The following MOGAT2 variants were observed in gnomAD, a reference collection of about 807,000 sequenced individuals.
The protein encoded by MOGAT2 is 2-acylglycerol O-acyltransferase 2.
In MOGAT2, 27 loss-of-function variants were observed where a neutral mutation model predicts 31.5. The observed-to-expected ratio is 0.86, with a 90% CI of 0.63 to 1.18. The LOEUF is 1.18. Ranked by LOEUF, MOGAT2 falls within the 50% of genes most tolerant of loss-of-function variation. MOGAT2 has a pLI of 0.00. For synonymous variants in MOGAT2, 163 were observed against 170.0 expected, an observed-to-expected ratio of 0.96 and a Z score of 0.32; for missense variants, 436 against 433.2, an observed-to-expected ratio of 1.01 and a Z score of -0.06.
At chr11:75,723,194 G>T (rs1944392401) in intron 2 of MOGAT2, among the ~76,000 whole-genome samples, 1 of 151,816 alleles carries the variant, frequency 6.6e-6, no homozygotes, top group South Asian at 2.1e-4. Flanking sequence ...ACTCCTGACC[G>T]CCCACCTTAG....
intron 5 of MOGAT2, among the ~76,000 whole-genome samples, chr11:75,730,265 G>A (rs919619570): frequency 6.6e-6 from 1 of 152,212 alleles, no homozygotes; most frequent in Non-Finnish European, 1.5e-5. Context: ...GGATGAGTTA[G>A]GTCCTTCCTG....
intron 5 of MOGAT2, among the ~76,000 whole-genome samples, chr11:75,729,754 T>G (rs199711411): frequency 1.5e-5 from 2 of 131,510 alleles, no homozygotes; most frequent in East Asian, 2.2e-4. Context: ...TTTTTTTTTG[T>G]TTTTTTTTGA....
rs763725183 is a variant in MOGAT2 at position 75,731,182 on chromosome 11, G to T, written c.901G>T (p.Val301Leu). The T allele has an allele frequency of 1.5e-5, 24 of 1,614,002 alleles. No homozygotes were observed. The South Asian group carries it at 2.6e-4, about 18-fold the overall frequency. ...QKTLHPSEEE[V>L]NQLHQRYIKE... is the part of the protein sequence containing the mutation. Reference sequence around the variant, plus strand: ...GACGCTGCATCCCTCGGAGGAGGAGGTGAACCAGCTGCACCAGCGTTATAT... The same window carrying T: ...GACGCTGCATCCCTCGGAGGAGGAGTTGAACCAGCTGCACCAGCGTTATAT... The change falls in exon 6 of 6, where the codon GTG (valine) becomes TTG (leucine). Residue 301 changes from valine (V) to leucine (L), a missense_variant. Coordinates refer to ENST00000198801, the MANE Select transcript of MOGAT2 (RefSeq NM_025098.4).
chr11:75,732,587 G>C lies in MOGAT2; in HGVS notation c.*1301G>C, dbSNP rs944310430. ...CCCTTACTCCGTGCTCCCATCACTCGGAACCATTTGCATTTCTTTGTCTCA... is the reference window on the plus strand; with the variant it reads ...CCCTTACTCCGTGCTCCCATCACTCCGAACCATTTGCATTTCTTTGTCTCA... On this transcript the variant is annotated 3_prime_UTR_variant, in exon 6 of 6. Transcript: ENST00000198801. 3 of 152,192 alleles carry C rather than the reference G, an allele frequency of 2.0e-5. No individual in the cohort carries two copies. Among genetic ancestry groups the C allele is most frequent in the Non-Finnish European group, 2.9e-5 (2 of 68,090 alleles). 9.4% of individuals were successfully genotyped at this position (152,192 alleles called of 1,614,324 possible).
chr11:75,728,817 C>T lies in MOGAT2; in HGVS notation c.678C>T (p.Phe226=), dbSNP rs745853807. ...CACCCCTGGTGCCAATCTTCTCCTT[C>T]GGGGAGAATGACCTATTTGACCAGA... ...HGAPLVPIFS[F]GENDLFDQIP... Residue 226 remains phenylalanine (F), a synonymous_variant, in exon 5 of 6, where the codon TTC becomes TTT. Transcript: ENST00000198801. 2.4e-5 allele frequency: 39 copies of T among 1,614,098 alleles called. No homozygotes were observed. The highest frequency in any genetic ancestry group is 1.6e-4 in the Middle Eastern group (1 of 6,084).
intron 2 of MOGAT2, among the ~76,000 whole-genome samples, chr11:75,721,864 T>A (rs1489461873): frequency 1.3e-5 from 2 of 151,882 alleles, no homozygotes; most frequent in Non-Finnish European, 2.9e-5. Context: ...GAACGCAGGG[T>A]GGTTGGGGTT....
intron 2 of MOGAT2, 58 bp from the exon 3 acceptor site, chr11:75,727,377 C>CA (rs1944429998): frequency 1.3e-6 from 2 of 1,530,882 alleles, no homozygotes; most frequent in African/African-American, 2.7e-5. Context: ...CAGTGAGTGG[C>CA]AGAGTCAGGG....
rs143930598 is a variant in MOGAT2, at chr11:75,723,915, C to T, written c.271-3520C>T. 4.9e-3 allele frequency among the ~76,000 whole-genome samples: 751 copies of T among 152,238 alleles called. 6 individuals carry two copies. Among genetic ancestry groups the T allele is most frequent in the African/African-American group, 0.017 (722 of 41,524 alleles). On this transcript the variant is annotated intron_variant, in intron 2 of 5. Transcript: ENST00000198801. ...TCTATCTTCGCTTAGTCACACTCCC[C>T]TCGCCTAACAGAACTGAGGGAGGGA...
intron 2 of MOGAT2, among the ~76,000 whole-genome samples, 159 bp from the exon 3 acceptor site, chr11:75,727,276 T>C (rs12279369): frequency 0.068 from 10,328 of 152,226 alleles, 1,144 homozygotes; most frequent in African/African-American, 0.23. Context: ...TGCTGTCACA[T>C]ACCATATCTG....
intron 2 of MOGAT2, among the ~76,000 whole-genome samples, chr11:75,722,105 G>C (rs943947391): frequency 6.6e-6 from 1 of 152,144 alleles, no homozygotes; most frequent in African/African-American, 2.4e-5. Flanking sequence ...CTCAGGATGG[G>C]GGCAGTTTCC....
At chr11:75,729,042 G>T (rs1944449945) in intron 5 of MOGAT2, 53 bp downstream of exon 5, 1 of 1,571,264 alleles carries the variant, frequency 6.4e-7, no homozygotes, top group Non-Finnish European at 8.7e-7. Context: ...AGGGCAGGTT[G>T]TGTGCTGCAA....
intron 2 of MOGAT2, among the ~76,000 whole-genome samples, chr11:75,722,965 T>G (rs61897997): frequency 0.011 from 1,646 of 152,288 alleles, 20 homozygotes; most frequent in Non-Finnish European, 0.017. Context: ...TTTGGTTTTG[T>G]TTTTGTTTTT....
At chr11:75,719,592 C>T (rs1328116531) in intron 1 of MOGAT2, 2 of 172,268 alleles carry the variant, frequency 1.2e-5, no homozygotes, top group Non-Finnish European at 2.5e-5. Context: ...TCTCCCTTTG[C>T]TCTGAGATCC....
intron 2 of MOGAT2, among the ~76,000 whole-genome samples, chr11:75,721,471 C>T (rs1223053558): frequency 2.0e-5 from 3 of 151,998 alleles, no homozygotes; most frequent in African/African-American, 4.8e-5. Context: ...TTAGTAGAGA[C>T]GGGGTTTCTC....
In MOGAT2 at chr11:75,731,363, G is replaced by A; in HGVS notation, c.*77G>A. ...AGAAGACTTCCTGGAGGTGTTTGTT[G>A]AACATATCTGCAGAGCCTTCCCAGA... is the stretch of plus-strand genomic sequence containing the variant. On this transcript the variant is annotated 3_prime_UTR_variant, in exon 6 of 6. Transcript: ENST00000198801. 2 of 1,506,120 alleles carry A rather than the reference G, an allele frequency of 1.3e-6. No individual in the cohort carries two copies. The highest frequency in any genetic ancestry group is 1.8e-6 in the Non-Finnish European group (2 of 1,123,524). 93.3% of individuals were successfully genotyped at this position (1,506,120 alleles called of 1,614,324 possible).
rs932979167 is a variant in MOGAT2, at chr11:75,728,127, G to T, written c.633G>T (p.Arg211Ser). The T allele has an allele frequency of 2.9e-5, 47 of 1,613,362 alleles. No homozygotes were observed. The highest frequency in any genetic ancestry group is 3.9e-5 in the Non-Finnish European group (46 of 1,179,760). The change falls in exon 4 of 6, where the codon AGG (arginine) becomes AGT (serine). Residue 211 changes from arginine to serine, a missense_variant. Arg to Ser is a moderately radical substitution (Grantham distance 110, BLOSUM62 -1). Transcript: ENST00000198801. ...TGCGGAACCGAAAGGGCTTCGTCAG[G>T]CTCGCCCTGACACACGGGTATCAAG... ...LLLRNRKGFVRLALTHGAPLV... is the reference protein window; with the variant it reads ...LLLRNRKGFVSLALTHGAPLV...
At chr11:75,731,055 A>C in intron 5 of MOGAT2, 77 bp from the exon 6 acceptor site, 1 of 1,360,326 alleles carries the variant, frequency 7.4e-7, no homozygotes, top group East Asian at 2.4e-5. Context: ...TTCTGCAGGG[A>C]TGAACCATGG....
intron 2 of MOGAT2, among the ~76,000 whole-genome samples, chr11:75,721,088 G>A (rs1196904110): frequency 2.0e-5 from 3 of 152,254 alleles, no homozygotes; most frequent in African/African-American, 7.2e-5. Flanking sequence ...AGAGAAGAAA[G>A]GGGTAAGATA....
Position 75,727,450 on chromosome 11 carries a change from G to A in MOGAT2, c.286G>A (p.Glu96Lys). 1 of 1,614,008 alleles carries A rather than the reference G, an allele frequency of 6.2e-7. No individual in the cohort carries two copies. Among genetic ancestry groups the A allele is most frequent in the African/African-American group, 1.3e-5 (1 of 75,026 alleles). The change falls in exon 3 of 6, where the codon GAG becomes AAG. Residue 96 changes from glutamate to lysine, a missense_variant. By Grantham distance (56) the Glu-to-Lys change is moderately conservative (BLOSUM62 1). Transcript: ENST00000198801. ...YFPISLVKTA[E>K]LDPSRNYIAG... Reference sequence around the variant, plus strand: ...GTCCCTGCAGCTGGTCAAGACTGCTGAGCTGGACCCCTCTCGGAACTACAT... The same window carrying A: ...GTCCCTGCAGCTGGTCAAGACTGCTAAGCTGGACCCCTCTCGGAACTACAT...
Sources: allele counts gnomAD v4.1 joint callset (sites outside exome capture counted in the v4.1 genomes callset), GRCh38; gene constraint gnomAD v4.1.1; transcripts MANE v1.5; gene names NCBI Gene and HGNC (gene_info 2026-07-23, HGNC 2026-07-21).